Variants in C19orf38 observed in about 807,000 individuals in gnomAD.
C19orf38 encodes protein HIDE1.
C19orf38 carries 14 observed loss-of-function variants against 26.6 expected under a neutral mutation model. The observed-to-expected ratio is 0.53, with a 90% confidence interval of 0.35 to 0.82. The LOEUF is 0.82. Ranked by LOEUF, C19orf38 falls within the 40% of genes least tolerant of loss-of-function variation. The pLI is 0.01. For missense variants in C19orf38, 261 were observed against 299.5 expected, an observed-to-expected ratio of 0.87 and a Z score of 0.95; for synonymous variants, 132 against 128.5, an observed-to-expected ratio of 1.03 and a Z score of -0.18.
chr19:10,868,829 G>A (rs559585865), intron 6 of C19orf38, among the ~76,000 whole-genome samples: 13 of 152,322 alleles, frequency 8.5e-5, no homozygotes, highest in African/African-American at 2.9e-4. Flanking sequence ...GAATGGTTGT[G>A]TTCACTTAGC....
intron 5 of C19orf38, among the ~76,000 whole-genome samples, chr19:10,862,599 G>A (rs998659118): frequency 6.6e-6 from 1 of 152,058 alleles, no homozygotes; most frequent in Non-Finnish European, 1.5e-5. Flanking sequence ...GGAGGCCGAG[G>A]CAGGCAGATC....
chr19:10,868,289 C>T (rs1387120243), intron 6 of C19orf38, among the ~76,000 whole-genome samples: 1 of 152,174 alleles, frequency 6.6e-6, no homozygotes, highest in Non-Finnish European at 1.5e-5. Flanking sequence ...AACAAGGACA[C>T]TGAGGCTGAT....
At chr19:10,848,641 T>A in intron 1 of C19orf38, 102 bp downstream of exon 1, 1 of 1,156,572 alleles carries the variant, frequency 8.6e-7, no homozygotes, top group Non-Finnish European at 1.3e-6. Context: ...GCTGCCGTTC[T>A]CAGGGCATCG....
At chr19:10,844,428 A>G (rs1167699732), upstream of C19orf38, among the ~76,000 whole-genome samples, 1 of 150,856 alleles carries the variant, frequency 6.6e-6, no homozygotes, top group Non-Finnish European at 1.5e-5. Flanking sequence ...AAAATTTAAA[A>G]AGCTAGGCGT....
chr19:10,866,632 C>T (rs2073754994), intron 6 of C19orf38, among the ~76,000 whole-genome samples: 3 of 151,646 alleles, frequency 2.0e-5, no homozygotes, highest in Non-Finnish European at 2.9e-5. Context: ...ATTACAGGCA[C>T]ATGCCACCGC....
At chr19:10,857,366 A>ATATATATATTTTT (rs1433358051) in intron 3 of C19orf38, among the ~76,000 whole-genome samples, 35 of 56,074 alleles carry the variant, frequency 6.2e-4, no homozygotes, top group African/African-American at 5.2e-3. Context: ...ATATATATAT[A>ATATATATATTTTT]TTTTTTTTTT....
chr19:10,858,247 A>C (rs940213613), intron 3 of C19orf38, 69 bp from the exon 4 acceptor site: 4 of 1,264,924 alleles, frequency 3.2e-6, no homozygotes, highest in Non-Finnish European at 3.2e-6. Context: ...AAAAAAAAAA[A>C]AAAAACAGAA....
In C19orf38 at chr19:10,851,214, C is replaced by T. The variant is rs569234301; in HGVS notation, c.340+647C>T. ...GATTACAGGTGTGTGCCACCATGCC[C>T]GGCTAATTTTTGTATTTTTAGTAAA... On this transcript the variant is annotated intron_variant, in intron 2 of 6. Coordinates refer to ENST00000397820, the MANE Select transcript of C19orf38 (RefSeq NM_001136482.3). Among the ~76,000 whole-genome samples the T allele has an allele frequency of 3.3e-5, 5 of 152,146 alleles. No homozygotes were observed. In the East Asian group the frequency reaches 7.7e-4, roughly 24 times the overall value.
chr19:10,855,424 A>G lies in C19orf38; in HGVS notation c.341-841A>G, dbSNP rs377001157. On this transcript the variant is annotated intron_variant, in intron 2 of 6. Coordinates refer to ENST00000397820, the MANE Select transcript of C19orf38 (RefSeq NM_001136482.3). ...ACGATCTCAGCTCAGTGCACCCTCC[A>G]CTTCCCGGGTTCAAACTATTCTTGT... Among the ~76,000 whole-genome samples, 35 of 151,980 alleles carry G rather than the reference A, an allele frequency of 2.3e-4. 1 individual carries two copies. The highest frequency in any genetic ancestry group is 7.7e-4 in the African/African-American group (32 of 41,454).
chr19:10,868,986 G>T (rs993182370), intron 6 of C19orf38, among the ~76,000 whole-genome samples: 2 of 152,172 alleles, frequency 1.3e-5, no homozygotes, highest in African/African-American at 4.8e-5. Context: ...ACACAACTGA[G>T]GTTACACTGC....
intron 4 of C19orf38, among the ~76,000 whole-genome samples, chr19:10,858,996 G>C (rs1295013914): frequency 6.6e-6 from 1 of 150,510 alleles, no homozygotes; most frequent in Non-Finnish European, 1.5e-5. Flanking sequence ...GAGTGCAATG[G>C]CCTGATCTCT....
chr19:10,845,999 T>C (rs1350007410), upstream of C19orf38, among the ~76,000 whole-genome samples: 3 of 150,636 alleles, frequency 2.0e-5, no homozygotes, highest in African/African-American at 7.3e-5. Flanking sequence ...GGTAACATAA[T>C]AGGACCCTGT....
chr19:10,859,294 A>ATG (rs1426978656), intron 4 of C19orf38, among the ~76,000 whole-genome samples: 3 of 103,452 alleles, frequency 2.9e-5, no homozygotes, highest in Non-Finnish European at 4.1e-5. Context: ...GTGTGTGTAT[A>ATG]TGTGTGTGTG....
intron 5 of C19orf38, among the ~76,000 whole-genome samples, chr19:10,861,485 G>A (rs1052390650): frequency 6.6e-6 from 1 of 152,210 alleles, no homozygotes; most frequent in African/African-American, 2.4e-5. Context: ...CAGATGTGCT[G>A]TCTGTCCACA....
chr19:10,853,839 G>A lies in C19orf38; in HGVS notation c.341-2426G>A, dbSNP rs571738059. On this transcript the variant is annotated intron_variant, in intron 2 of 6. Coordinates refer to ENST00000397820, the MANE Select transcript of C19orf38 (RefSeq NM_001136482.3). Reference sequence around the variant, plus strand: ...TCTCAATCTCCTGATCTTGTGATCCGCCCACCTCAGCCTCCCAAAGTGCTG... The same window carrying A: ...TCTCAATCTCCTGATCTTGTGATCCACCCACCTCAGCCTCCCAAAGTGCTG... Among the ~76,000 whole-genome samples the A allele has an allele frequency of 1.1e-4, 17 of 149,748 alleles. 1 individual carries two copies. In the South Asian group the frequency reaches 1.9e-3, roughly 17 times the overall value.
chr19:10,844,729 T>A (rs2073503324), upstream of C19orf38, among the ~76,000 whole-genome samples: 1 of 150,912 alleles, frequency 6.6e-6, no homozygotes, highest in Admixed American at 6.6e-5. Context: ...TTGCCTGTAG[T>A]CCCAGCTACT....
chr19:10,848,434 C>T lies in C19orf38; in HGVS notation c.-75C>T. On this transcript the variant is annotated 5_prime_UTR_variant, in exon 1 of 7. Transcript: ENST00000397820. The stretch of plus-strand genomic sequence containing the variant: ...CTGGTTCTCCTTTCCCCGATCTGGC[C>T]TCACAGGAGGAGTTGGCGGGGAGCC... 1 of 1,489,492 alleles carries T rather than the reference C, an allele frequency of 6.7e-7. No homozygotes were observed. Among genetic ancestry groups the T allele is most frequent in the East Asian group, 2.5e-5 (1 of 40,526 alleles). 92.3% of individuals were successfully genotyped at this position (1,489,492 alleles called of 1,614,324 possible). A position where few individuals can be genotyped will look rare whatever the true frequency, so the allele number is the denominator to read the frequency against.
At chr19:10,842,346 C>T (rs1416466792) in intron 1 of C19orf38, 7 of 592,680 alleles carry the variant, frequency 1.2e-5, no homozygotes, top group East Asian at 6.0e-5. Context: ...CTGCAAGCTC[C>T]GCCTCCCGGG....
upstream of C19orf38, among the ~76,000 whole-genome samples, chr19:10,843,519 G>A (rs754075835): frequency 2.0e-5 from 3 of 152,208 alleles, no homozygotes; most frequent in Non-Finnish European, 4.4e-5. Flanking sequence ...ACTCTTGAAC[G>A]CTGAGCTCCT....
Sources: gnomAD v4.1 joint callset for allele counts (sites outside exome capture counted in the v4.1 genomes callset) on GRCh38, gnomAD v4.1.1 for gene constraint, MANE v1.5 for transcripts, NCBI Gene and HGNC (gene_info 2026-07-23, HGNC 2026-07-21) for gene names.